Variants in ZFAT observed in about 807,000 individuals in gnomAD.
ZFAT encodes the protein zinc finger and AT-hook domain containing.
Under a neutral mutation model 117.7 loss-of-function variants are expected in ZFAT, and 64 were observed. That is an observed-to-expected ratio of 0.54 (90% CI 0.44 to 0.67). The LOEUF (loss-of-function observed/expected upper bound fraction) is 0.67. ZFAT is among the 30% of genes least tolerant of loss of function. The probability of loss-of-function intolerance (pLI) is 0.00; values close to 1 mark genes in which losing one functional copy is unlikely to be tolerated. For synonymous variants in ZFAT, 679 were observed against 615.0 expected, an observed-to-expected ratio of 1.10 and a Z score of -1.54; for missense variants, 1,433 against 1,584.5, an observed-to-expected ratio of 0.90 and a Z score of 1.62.
chr8:134,547,753 G>C (rs1000412870), intron 11 of ZFAT, among the ~76,000 whole-genome samples: 2 of 152,194 alleles, frequency 1.3e-5, no homozygotes, highest in Non-Finnish European at 2.9e-5. Context: ...TTGCTAAGAG[G>C]AGGGCTCCTG....
intron 13 of ZFAT, among the ~76,000 whole-genome samples, chr8:134,520,525 T>A (rs918628688): frequency 3.3e-5 from 5 of 152,072 alleles, no homozygotes; most frequent in Admixed American, 3.3e-4. Context: ...CAGAGCCTTT[T>A]CCAATTCTCT....
At chr8:134,631,540 G>T (rs1412929652) in intron 3 of ZFAT, among the ~76,000 whole-genome samples, 1 of 152,182 alleles carries the variant, frequency 6.6e-6, no homozygotes. Context: ...TAAAAGGGGA[G>T]TTCTTTAAGC....
the ZFAT span, among the ~76,000 whole-genome samples, chr8:134,720,347 G>A: frequency 3.9e-5 from 6 of 152,242 alleles, no homozygotes; most frequent in Non-Finnish European, 7.3e-5. Flanking sequence ...AGTATTGTGG[G>A]AAGCTAAAAT....
At chr8:134,692,700 T>C (rs141125126) in intron 1 of ZFAT, among the ~76,000 whole-genome samples, 82 of 152,248 alleles carry the variant, frequency 5.4e-4, no homozygotes, top group African/African-American at 1.9e-3. Flanking sequence ...TGCACTGAAA[T>C]AGGAGACGAT....
intron 3 of ZFAT, among the ~76,000 whole-genome samples, chr8:134,632,378 A>C (rs1406353473): frequency 6.6e-6 from 1 of 152,232 alleles, no homozygotes; most frequent in Non-Finnish European, 1.5e-5. Flanking sequence ...CCAACAGTAG[A>C]TTATTACTAG....
chr8:134,755,265 A>AT, the ZFAT span, among the ~76,000 whole-genome samples: 697 of 122,388 alleles, frequency 5.7e-3, 5 homozygotes, highest in African/African-American at 0.019. Flanking sequence ...AAAAAAAAAA[A>AT]TGCCGGGCGT....
At chr8:134,661,992 A>C (rs1320383500) in intron 1 of ZFAT, among the ~76,000 whole-genome samples, 1 of 152,236 alleles carries the variant, frequency 6.6e-6, no homozygotes, top group Non-Finnish European at 1.5e-5. Flanking sequence ...GTCCCAGTCC[A>C]TCTGAGTAGC....
At chr8:134,642,693 T>C (rs1830652945) in intron 2 of ZFAT, among the ~76,000 whole-genome samples, 1 of 152,172 alleles carries the variant, frequency 6.6e-6, no homozygotes, top group Non-Finnish European at 1.5e-5. Flanking sequence ...CACACAAATT[T>C]TATTATGCCT....
intron 4 of ZFAT, among the ~76,000 whole-genome samples, chr8:134,609,765 T>A (rs1828177875): frequency 6.6e-6 from 1 of 152,220 alleles, no homozygotes; most frequent in South Asian, 2.1e-4. Context: ...AGATCTTTTT[T>A]AAAAATATAG....
At chr8:134,595,409 G>C (rs936411324) in intron 7 of ZFAT, among the ~76,000 whole-genome samples, 4 of 151,784 alleles carry the variant, frequency 2.6e-5, no homozygotes, top group Non-Finnish European at 5.9e-5. Flanking sequence ...ATTTTCTAAT[G>C]CAGTCCTCAC....
chr8:134,719,511 G>A, the ZFAT span, among the ~76,000 whole-genome samples: 2 of 152,194 alleles, frequency 1.3e-5, no homozygotes, highest in African/African-American at 4.8e-5. Context: ...GCTGCCGCCA[G>A]CTCGCTGCAG....
rs567332747 is a variant in ZFAT, at chr8:134,634,902, G to A, written c.448+2559C>T. ...GGAAGATAATTTTTCCACAGATGGC[G>A]GGGTGGGGTGGTTTGGGGATGAAAC... is the stretch of plus-strand genomic sequence containing the variant. On this transcript the variant is annotated intron_variant, in intron 3 of 15. Transcript: ENST00000377838. 3.3e-5 allele frequency among the ~76,000 whole-genome samples: 5 copies of A among 152,260 alleles called. No homozygotes were observed. In the South Asian group the frequency reaches 6.2e-4, roughly 19 times the overall value.
intron 1 of ZFAT, among the ~76,000 whole-genome samples, chr8:134,697,763 A>G (rs1233672150): frequency 6.7e-6 from 1 of 149,034 alleles, no homozygotes; most frequent in Non-Finnish European, 1.5e-5. Flanking sequence ...AAAAAAAAGA[A>G]AAAGAAGGGG....
intron 1 of ZFAT, among the ~76,000 whole-genome samples, chr8:134,658,064 G>A (rs368681658): frequency 4.6e-5 from 7 of 152,214 alleles, no homozygotes; most frequent in Admixed American, 2.0e-4. Flanking sequence ...GCGGCCGGGC[G>A]CGGTGGCGCA....
intron 2 of ZFAT, among the ~76,000 whole-genome samples, chr8:134,650,377 C>T (rs913939963): frequency 6.6e-6 from 1 of 152,090 alleles, no homozygotes; most frequent in Admixed American, 6.6e-5. Context: ...CCGCCCACCT[C>T]AGCTTCCCAA....
chr8:134,513,886 CA>C (rs1266188698), intron 13 of ZFAT, among the ~76,000 whole-genome samples: 1 of 152,114 alleles, frequency 6.6e-6, no homozygotes, highest in Non-Finnish European at 1.5e-5. Flanking sequence ...AGTAGTCACC[CA>C]AAAAATATTC....
the ZFAT span, chr8:134,795,833 C>T: frequency 2.0e-5 from 3 of 152,224 alleles, no homozygotes; most frequent in African/African-American, 7.2e-5. Context: ...GGTGAACAGC[C>T]TCATCTTGTG....
intron 1 of ZFAT, among the ~76,000 whole-genome samples, chr8:134,707,789 C>A (rs939061256): frequency 1.3e-5 from 2 of 152,226 alleles, no homozygotes; most frequent in African/African-American, 4.8e-5. Context: ...GTGTTGAACA[C>A]AAAGGCATCC....
intron 11 of ZFAT, among the ~76,000 whole-genome samples, chr8:134,557,570 C>G (rs940443329): frequency 6.6e-6 from 1 of 152,122 alleles, no homozygotes; most frequent in Non-Finnish European, 1.5e-5. Flanking sequence ...ACTCTCTGTA[C>G]TATAGTCACA....
Sources: gnomAD v4.1 joint callset for allele counts (sites outside exome capture counted in the v4.1 genomes callset) on GRCh38, gnomAD v4.1.1 for gene constraint, MANE v1.5 for transcripts, NCBI Gene and HGNC (gene_info 2026-07-23, HGNC 2026-07-21) for gene names.